Variants in NAV2 observed in about 807,000 individuals in gnomAD.
NAV2 encodes neuron navigator 2.
A neutral mutation model predicts 223.2 loss-of-function variants in NAV2; 54 were observed. The observed-to-expected ratio is 0.24, with a 90% CI of 0.19 to 0.30. The LOEUF (loss-of-function observed/expected upper bound fraction) is 0.30. Among genes scored for constraint, NAV2 ranks in the 10% least tolerant of loss-of-function variants. The pLI, the probability that NAV2 is intolerant of heterozygous loss-of-function variation, is 1.00. For synonymous variants in NAV2, 1,279 were observed against 1,239.3 expected, an observed-to-expected ratio of 1.03 and a Z score of -0.67; for missense variants, 2,806 against 3,147.5, an observed-to-expected ratio of 0.89 and a Z score of 2.60.
intron 1 of NAV2, among the ~76,000 whole-genome samples, chr11:19,815,058 T>A (rs1364818508): frequency 6.6e-6 from 1 of 152,150 alleles, no homozygotes; most frequent in East Asian, 1.9e-4. Context: ...AGCATTTGCT[T>A]TGGTGAGCAG....
chr11:19,428,603 T>C (rs557632033), intron 1 of NAV2, among the ~76,000 whole-genome samples: 2 of 152,360 alleles, frequency 1.3e-5, no homozygotes, highest in South Asian at 4.1e-4. Context: ...TCAATGGTGA[T>C]ACTTGAATGC....
At chr11:19,417,601 A>G (rs1159865026) in intron 1 of NAV2, among the ~76,000 whole-genome samples, 1 of 152,242 alleles carries the variant, frequency 6.6e-6, no homozygotes, top group Non-Finnish European at 1.5e-5. Flanking sequence ...CTGGGTATAT[A>G]CCCAAAGGAT....
chr11:19,847,123 T>C (rs924512786), intron 3 of NAV2, among the ~76,000 whole-genome samples: 1 of 152,158 alleles, frequency 6.6e-6, no homozygotes, highest in Non-Finnish European at 1.5e-5. Context: ...AGTTATCTGT[T>C]AGTGTGGAAG....
At chr11:19,756,229 G>A (rs1216935508) in intron 1 of NAV2, among the ~76,000 whole-genome samples, 1 of 152,118 alleles carries the variant, frequency 6.6e-6, no homozygotes, top group Admixed American at 6.6e-5. Flanking sequence ...TGCCAGACAA[G>A]GTCATTCTAA....
chr11:20,009,410 G>A (rs148691529), intron 11 of NAV2, among the ~76,000 whole-genome samples: 20 of 152,286 alleles, frequency 1.3e-4, no homozygotes, highest in South Asian at 4.1e-4. Context: ...GTGTCTGAAC[G>A]AGCTCTAGAA....
Position 19,691,257 on chromosome 11 carries a change from G to GA in NAV2, c.76-141217dup, listed in dbSNP as rs201821073. Among the ~76,000 whole-genome samples the GA allele has an allele frequency of 5.8e-3, 433 of 74,676 alleles. 1 individual carries two copies. Among genetic ancestry groups the GA allele is most frequent in the Non-Finnish European group, 0.014 (305 of 22,016 alleles). The allele number at this position is 74,676 out of a possible 152,430, so 49.0% of individuals were successfully genotyped here. On this transcript the variant is annotated intron_variant, in intron 1 of 37. Transcript: ENST00000360655. ...GTTCTAGTAGCCACATTAAAAAACA[G>GA]AAAAAAAAAACAGATGACATTCATT...
chr11:19,485,182 C>T (rs1414283840), intron 1 of NAV2, among the ~76,000 whole-genome samples: 1 of 152,128 alleles, frequency 6.6e-6, no homozygotes, highest in Non-Finnish European at 1.5e-5. Flanking sequence ...TTTACTTTGC[C>T]ATAACTGTGT....
intron 1 of NAV2, among the ~76,000 whole-genome samples, chr11:19,655,784 C>G (rs2048107243): frequency 6.6e-6 from 1 of 151,364 alleles, no homozygotes; most frequent in Admixed American, 6.6e-5. Context: ...GGAGATATAC[C>G]TAATGTTAAA....
At chr11:19,960,611 T>G (rs530606206) in intron 10 of NAV2, among the ~76,000 whole-genome samples, 70 of 151,042 alleles carry the variant, frequency 4.6e-4, no homozygotes, top group African/African-American at 1.7e-3. Context: ...ATTTATTTAT[T>G]TATTTATTTA....
intron 14 of NAV2, among the ~76,000 whole-genome samples, chr11:20,046,672 G>C (rs575488312): frequency 6.6e-6 from 1 of 151,694 alleles, no homozygotes; most frequent in South Asian, 2.1e-4. Context: ...TTGATTTCCT[G>C]TTACCTTAAA....
chr11:20,014,177 C>T, intron 11 of NAV2, among the ~76,000 whole-genome samples: 1 of 152,234 alleles, frequency 6.6e-6, no homozygotes, highest in Admixed American at 6.5e-5. Context: ...TTCCTTCTCC[C>T]CGATTACACT....
intron 26 of NAV2, 30 bp downstream of exon 26, chr11:20,083,209 C>A: frequency 1.3e-6 from 2 of 1,584,662 alleles, no homozygotes; most frequent in Non-Finnish European, 1.7e-6. Flanking sequence ...CAGATAACAT[C>A]TTTGGCCCCT....
chr11:19,880,708 T>C (rs981050460), intron 5 of NAV2, among the ~76,000 whole-genome samples: 8 of 152,092 alleles, frequency 5.3e-5, no homozygotes, highest in African/African-American at 1.9e-4. Flanking sequence ...ATCTGCAGGG[T>C]TGGGGTCTGG....
At chr11:19,566,031 G>GATTTTACTTTATTTTATTTT (rs2045257652) in intron 1 of NAV2, among the ~76,000 whole-genome samples, 1 of 138,494 alleles carries the variant, frequency 7.2e-6, no homozygotes, top group Non-Finnish European at 1.6e-5. Context: ...TATCCAAGGA[G>GATTTTACTTTATTTTATTTT]ATTTTATTTT....
At chr11:19,831,861 G>A (rs1303702777) in intron 1 of NAV2, among the ~76,000 whole-genome samples, 1 of 152,194 alleles carries the variant, frequency 6.6e-6, no homozygotes, top group Non-Finnish European at 1.5e-5. Flanking sequence ...TTTGTTCACA[G>A]AATCCCAACA....
At chr11:19,866,122 G>C (rs2062076245) in intron 3 of NAV2, among the ~76,000 whole-genome samples, 2 of 152,064 alleles carry the variant, frequency 1.3e-5, no homozygotes, top group Non-Finnish European at 2.9e-5. Context: ...GCACAGAGCA[G>C]ACATCTACAC....
chr11:19,839,618 T>C (rs1484183612), intron 2 of NAV2, among the ~76,000 whole-genome samples: 1 of 152,256 alleles, frequency 6.6e-6, no homozygotes, highest in African/African-American at 2.4e-5. Flanking sequence ...AGTTTTTGTC[T>C]CTTCCCATTG....
rs911272462 is a variant in NAV2 at position 20,051,403 on chromosome 11, A to G, written c.4481+70A>G. 6.9e-6 allele frequency: 10 copies of G among 1,444,446 alleles called. 2 individuals are homozygous for G. The South Asian group carries it at 1.0e-4, about 15-fold the overall frequency. The allele number at this position is 1,444,446 out of a possible 1,614,324, so 89.5% of individuals were successfully genotyped here. The stretch of plus-strand genomic sequence containing the variant: ...TGGAGCTTGGCTGTGTGACTCCTTC[A>G]TGGCTGGTGGGGGTTTGGGCTGGGC... On this transcript the variant is annotated intron_variant, in intron 17 of 37. Coordinates refer to ENST00000349880, the MANE Select transcript of NAV2 (RefSeq NM_145117.5).
chr11:19,483,944 T>C (rs1191064310), intron 1 of NAV2, among the ~76,000 whole-genome samples: 1 of 152,156 alleles, frequency 6.6e-6, no homozygotes, highest in Non-Finnish European at 1.5e-5. Context: ...AGAACCCAAA[T>C]TTTAACTCAA....
Sources: gnomAD v4.1 joint callset for allele counts (sites outside exome capture counted in the v4.1 genomes callset) on GRCh38, gnomAD v4.1.1 for gene constraint, MANE v1.5 for transcripts, NCBI Gene and HGNC (gene_info 2026-07-23, HGNC 2026-07-21) for gene names.